EDIL3: variants seen among roughly 807,000 people sequenced by gnomAD.
EDIL3 encodes EGF-like repeat and discoidin I-like domain-containing protein 3.
EDIL3 carries 37 observed loss-of-function variants against 67.4 expected under a neutral mutation model. The ratio of observed to expected loss-of-function variants is 0.55; its 90% confidence interval spans 0.42 to 0.72. EDIL3 has a LOEUF of 0.72. Among genes scored for constraint, EDIL3 ranks in the 30% least tolerant of loss-of-function variants. EDIL3 has a pLI of 0.00. For synonymous variants in EDIL3, 195 were observed against 196.3 expected (o/e 0.99, Z 0.05); for missense variants, 527 against 586.3 (o/e 0.90, Z 1.04).
intron 9 of EDIL3, among the ~76,000 whole-genome samples, chr5:84,055,156 A>G (rs1475639775): frequency 6.8e-6 from 1 of 146,124 alleles, no homozygotes; most frequent in Non-Finnish European, 1.5e-5. Flanking sequence ...ATAATAACAC[A>G]CATCTACAAC....
intron 1 of EDIL3, among the ~76,000 whole-genome samples, chr5:84,361,270 A>AACAC (rs10553087): frequency 0.019 from 2,858 of 147,418 alleles, 73 homozygotes; most frequent in African/African-American, 0.054. Flanking sequence ...AGGTCATTAC[A>AACAC]ACACACACAC....
Position 84,384,432 on chromosome 5 carries a change from A to T in EDIL3, c.-58T>A. 1.3e-6 allele frequency: 2 copies of T among 1,585,858 alleles called. No individual in the cohort carries two copies. The highest frequency in any genetic ancestry group is 1.7e-6 in the Non-Finnish European group (2 of 1,157,616). Reference sequence around the variant, plus strand: ...CAGGGGTCGTCGCGGAGGGCAGTGTAGCCGAGGTGGCAGCGCAGGGCAGCA... The same window carrying T: ...CAGGGGTCGTCGCGGAGGGCAGTGTTGCCGAGGTGGCAGCGCAGGGCAGCA... On this transcript the variant is annotated 5_prime_UTR_variant, in exon 1 of 11. Transcript: ENST00000296591.
At chr5:84,262,975 A>G (rs892017277) in intron 1 of EDIL3, among the ~76,000 whole-genome samples, 1 of 151,840 alleles carries the variant, frequency 6.6e-6, no homozygotes, top group Non-Finnish European at 1.5e-5. Context: ...CCCTGGCCCC[A>G]AGCATTTTTG....
intron 3 of EDIL3, among the ~76,000 whole-genome samples, chr5:84,202,245 T>C (rs887168438): frequency 3.9e-5 from 6 of 152,132 alleles, no homozygotes; most frequent in African/African-American, 1.4e-4. Flanking sequence ...ACTGCTGAGA[T>C]GTAGCCTTGT....
chr5:84,162,442 A>C (rs2112340947), intron 4 of EDIL3, among the ~76,000 whole-genome samples: 1 of 152,200 alleles, frequency 6.6e-6, no homozygotes, highest in East Asian at 1.9e-4. Flanking sequence ...TCAGTACCAA[A>C]GTGGATGAGA....
At chr5:84,368,099 G>A (rs1452407996) in intron 1 of EDIL3, among the ~76,000 whole-genome samples, 5 of 152,068 alleles carry the variant, frequency 3.3e-5, no homozygotes, top group Admixed American at 3.3e-4. Context: ...TCTATTGAGG[G>A]CTTGAAACTT....
At chr5:84,225,737 C>T (rs980376158) in intron 3 of EDIL3, among the ~76,000 whole-genome samples, 4 of 151,334 alleles carry the variant, frequency 2.6e-5, no homozygotes, top group African/African-American at 9.7e-5. Flanking sequence ...GAATTATAAT[C>T]GACCCAACTC....
chr5:83,992,524 G>A (rs1745169114), intron 9 of EDIL3, among the ~76,000 whole-genome samples: 1 of 152,106 alleles, frequency 6.6e-6, no homozygotes, highest in Non-Finnish European at 1.5e-5. Flanking sequence ...AGGAAGAGAA[G>A]AAGGCAAGCA....
intron 5 of EDIL3, among the ~76,000 whole-genome samples, chr5:84,107,895 C>T (rs1328989706): frequency 2.0e-5 from 3 of 150,850 alleles, no homozygotes; most frequent in Admixed American, 6.6e-5. Flanking sequence ...ATTTCATTAA[C>T]ATTTCATATA....
At chr5:84,304,435 G>A (rs1474074804) in intron 1 of EDIL3, among the ~76,000 whole-genome samples, 2 of 152,164 alleles carry the variant, frequency 1.3e-5, no homozygotes, top group African/African-American at 2.4e-5. Flanking sequence ...TGACATGCAC[G>A]ACGGACCACA....
chr5:84,102,857 C>T (rs1324731019), intron 6 of EDIL3, among the ~76,000 whole-genome samples: 1 of 151,896 alleles, frequency 6.6e-6, no homozygotes, highest in Non-Finnish European at 1.5e-5. Context: ...TGACATTATT[C>T]ACAGAATTAG....
chr5:84,118,132 A>G (rs987547452), intron 5 of EDIL3, among the ~76,000 whole-genome samples: 2 of 152,176 alleles, frequency 1.3e-5, no homozygotes, highest in African/African-American at 4.8e-5. Flanking sequence ...TTACATTAGT[A>G]AGAAAGTATC....
chr5:83,943,598 C>CA (rs1267871162), intron 10 of EDIL3, 30 bp from the exon 11 acceptor site: 17 of 1,607,082 alleles, frequency 1.1e-5, no homozygotes, highest in Middle Eastern at 1.7e-4. Flanking sequence ...AAATGTCAGT[C>CA]ACACAGCCTT....
intron 6 of EDIL3, among the ~76,000 whole-genome samples, chr5:84,085,855 A>C (rs1156481766): frequency 6.6e-6 from 1 of 152,204 alleles, no homozygotes; most frequent in Non-Finnish European, 1.5e-5. Context: ...TAAGTCCCTG[A>C]CTGGGGCTGC....
At chr5:84,004,940 C>T (rs1745387016) in intron 9 of EDIL3, among the ~76,000 whole-genome samples, 2 of 151,900 alleles carry the variant, frequency 1.3e-5, no homozygotes, top group South Asian at 4.1e-4. Flanking sequence ...AAAGTGCTAG[C>T]TAGACTAATA....
intron 9 of EDIL3, among the ~76,000 whole-genome samples, chr5:83,994,719 C>T (rs564216063): frequency 1.3e-5 from 2 of 152,242 alleles, no homozygotes; most frequent in African/African-American, 4.8e-5. Flanking sequence ...CATGGATATA[C>T]TAGGTGTATT....
intron 9 of EDIL3, among the ~76,000 whole-genome samples, chr5:84,041,732 G>A (rs1323020152): frequency 6.7e-6 from 1 of 150,256 alleles, no homozygotes; most frequent in African/African-American, 2.4e-5. Context: ...AAAATTTAGT[G>A]TTGCAGTCTA....
At chr5:84,328,099 G>C (rs577114598) in intron 1 of EDIL3, among the ~76,000 whole-genome samples, 60 of 152,162 alleles carry the variant, frequency 3.9e-4, no homozygotes, top group African/African-American at 1.4e-3. Flanking sequence ...CTTCATTAGA[G>C]TAAGAAAGGA....
At chr5:84,288,050 A>T (rs1580056371) in intron 1 of EDIL3, among the ~76,000 whole-genome samples, 1 of 152,154 alleles carries the variant, frequency 6.6e-6, no homozygotes, top group South Asian at 2.1e-4. Flanking sequence ...TTGGATGACT[A>T]ATCTGCATCT....
Sources: gnomAD v4.1 joint callset for allele counts (sites outside exome capture counted in the v4.1 genomes callset) on GRCh38, gnomAD v4.1.1 for gene constraint, MANE v1.5 for transcripts, NCBI Gene and HGNC (gene_info 2026-07-23, HGNC 2026-07-21) for gene names.